The following THSD7A variants were observed in gnomAD, a reference collection of about 807,000 sequenced individuals.
THSD7A encodes the protein thrombospondin type 1 domain containing 7A.
In THSD7A, 96 loss-of-function variants were observed where a neutral mutation model predicts 231.3. The ratio of observed to expected loss-of-function variants is 0.41; its 90% CI spans 0.35 to 0.49. The LOEUF (loss-of-function observed/expected upper bound fraction) is 0.49. THSD7A is among the 20% of genes least tolerant of loss of function. THSD7A has a pLI of 0.05. For missense variants in THSD7A, 2,290 were observed against 2,070.2 expected (o/e 1.11, Z -2.06); for synonymous variants, 940 against 743.3 (o/e 1.26, Z -4.30).
chr7:11,385,921 A>C (rs1174143057), intron 23 of THSD7A, among the ~76,000 whole-genome samples: 2 of 151,650 alleles, frequency 1.3e-5, no homozygotes, highest in East Asian at 3.9e-4. Context: ...CCCTGTGTCC[A>C]TATGTTCTCG....
At chr7:11,383,609 C>T (rs1168276373) in intron 23 of THSD7A, among the ~76,000 whole-genome samples, 1 of 151,772 alleles carries the variant, frequency 6.6e-6, no homozygotes, top group Non-Finnish European at 1.5e-5. Context: ...TTTATAATTG[C>T]CAGATTTTAA....
intron 1 of THSD7A, among the ~76,000 whole-genome samples, chr7:11,727,597 T>A (rs1301566207): frequency 6.6e-6 from 1 of 151,936 alleles, no homozygotes; most frequent in Middle Eastern, 3.2e-3. Context: ...GGACAATGAG[T>A]AGATGTGAAA....
intron 1 of THSD7A, among the ~76,000 whole-genome samples, chr7:11,735,300 T>G: frequency 1.3e-5 from 2 of 151,960 alleles, no homozygotes; most frequent in South Asian, 4.2e-4. Flanking sequence ...GAGGGAACAA[T>G]ATAATTACAG....
At position 11,793,974 on chromosome 7, in the gene THSD7A, A is replaced by G. The variant is rs184223252; in HGVS notation, c.190+37783T>C. ...CAAATGATCTAAAGTTTTGGAAACT[A>G]GGGAAAAAATGAATTTTAGATCCCA... On this transcript the variant is annotated intron_variant, in intron 1 of 27. Coordinates refer to ENST00000423059, the MANE Select transcript of THSD7A (RefSeq NM_015204.3). Among the ~76,000 whole-genome samples the G allele has an allele frequency of 1.4e-3, 207 of 152,066 alleles. 1 individual carries two copies. Among genetic ancestry groups the G allele is most frequent in the African/African-American group, 4.0e-3 (168 of 41,544 alleles).
At chr7:11,412,897 G>GAA in intron 17 of THSD7A, 97 bp from the exon 18 acceptor site, 7 of 1,384,364 alleles carry the variant, frequency 5.1e-6, no homozygotes, top group Non-Finnish European at 6.9e-6. Context: ...GAACATTTGG[G>GAA]CCACTGGCTA....
intron 1 of THSD7A, among the ~76,000 whole-genome samples, chr7:11,682,189 T>A (rs1307594436): frequency 6.6e-6 from 1 of 151,876 alleles, no homozygotes; most frequent in Non-Finnish European, 1.5e-5. Context: ...TATAAAGAAA[T>A]TACATAATCA....
At chr7:11,808,694 T>C (rs2128183593) in intron 1 of THSD7A, among the ~76,000 whole-genome samples, 1 of 152,288 alleles carries the variant, frequency 6.6e-6, no homozygotes, top group East Asian at 1.9e-4. Flanking sequence ...AGGGTCTTTA[T>C]TCTTTACTAG....
Position 11,411,618 on chromosome 7 carries a change from T to C in THSD7A, c.3683-296A>G, listed in dbSNP as rs571942066. Among the ~76,000 whole-genome samples the C allele has an allele frequency of 1.3e-3, 202 of 152,358 alleles. No homozygotes were observed. The highest frequency in any genetic ancestry group is 4.6e-3 in the African/African-American group (191 of 41,580). On this transcript the variant is annotated intron_variant, in intron 18 of 27. Transcript: ENST00000423059. The surrounding 1 kb of genome is among the most constrained non-coding windows in gnomAD (Gnocchi z 4.1). ...AATGGCTTTGGCTTACAGATCAATG[T>C]CACTTAAAAACTTTCTTTCCCAATA...
At position 11,637,498 on chromosome 7, in the gene THSD7A, T is replaced by G. The variant is rs906737304; in HGVS notation, c.191-537A>C. 6.6e-5 allele frequency among the ~76,000 whole-genome samples: 10 copies of G among 152,192 alleles called. No individual in the cohort carries two copies. Among genetic ancestry groups the G allele is most frequent in the South Asian group, 2.1e-4 (1 of 4,826 alleles). ...AATAGTTGTATATCATGTGTGCCAC[T>G]AGAGCTTAAAGTGTTCACTCTCTGG... On this transcript the variant is annotated intron_variant, in intron 1 of 27. Coordinates refer to ENST00000423059, the MANE Select transcript of THSD7A (RefSeq NM_015204.3). The surrounding 1 kb of genome is among the most constrained non-coding windows in gnomAD (Gnocchi z 4.2).
At chr7:11,393,928 T>C (rs1228131136) in intron 23 of THSD7A, among the ~76,000 whole-genome samples, 1 of 146,896 alleles carries the variant, frequency 6.8e-6, no homozygotes, top group Non-Finnish European at 1.5e-5. Flanking sequence ...TGGAACCAAG[T>C]TGGAAAACAC....
In THSD7A at chr7:11,565,976, G is replaced by C. The variant is rs544893161; in HGVS notation, c.1454-22859C>G. Among the ~76,000 whole-genome samples the C allele has an allele frequency of 7.2e-5, 11 of 152,220 alleles. No individual in the cohort carries two copies. In the South Asian group the frequency reaches 1.7e-3, roughly 23 times the overall value. ...GTACTTCTGGGTTCTCCTTTTATTA[G>C]GCTAAGCATGAAGGCTGCTAATATT... On this transcript the variant is annotated intron_variant, in intron 4 of 27. Transcript: ENST00000423059.
At chr7:11,573,525 C>T (rs1198653863) in intron 4 of THSD7A, among the ~76,000 whole-genome samples, 2 of 152,202 alleles carry the variant, frequency 1.3e-5, no homozygotes, top group Non-Finnish European at 2.9e-5. Flanking sequence ...CAACTGTAAT[C>T]ACGGTCTTCT....
chr7:11,813,160 A>C (rs1784580204), intron 1 of THSD7A, among the ~76,000 whole-genome samples: 1 of 152,256 alleles, frequency 6.6e-6, no homozygotes, highest in African/African-American at 2.4e-5. Context: ...CTGCCATCCC[A>C]ACTACTTTAT....
At chr7:11,401,735 TA>T (rs1245389194) in intron 23 of THSD7A, 59 bp downstream of exon 23, 30 of 1,474,206 alleles carry the variant, frequency 2.0e-5, no homozygotes, top group Non-Finnish European at 2.5e-5. Flanking sequence ...TTTAACAGAC[TA>T]TTTTTTTTTT....
chr7:11,505,012 G>A (rs961234752), intron 6 of THSD7A, among the ~76,000 whole-genome samples: 80 of 152,210 alleles, frequency 5.3e-4, no homozygotes, highest in African/African-American at 1.8e-3. Context: ...TAGAGATGCA[G>A]GCATGTTTCA....
rs148837614 is a variant in THSD7A at position 11,812,824 on chromosome 7, C to T, written c.190+18933G>A. 5.2e-3 allele frequency among the ~76,000 whole-genome samples: 794 copies of T among 152,164 alleles called. 8 individuals are homozygous for T. The highest frequency in any genetic ancestry group is 4.4e-3 in the Non-Finnish European group (298 of 68,026). ...TATATCATAACATCAACAGACACCA[C>T]GATATATGTCCTGGCTGCTGGTTTT... On this transcript the variant is annotated intron_variant, in intron 1 of 27. Transcript: ENST00000423059.
In THSD7A at chr7:11,435,086, A is replaced by G. The variant is rs991931642; in HGVS notation, c.3065-5961T>C. Among the ~76,000 whole-genome samples the G allele has an allele frequency of 3.3e-5, 5 of 151,918 alleles. No individual in the cohort carries two copies. In the East Asian group the frequency reaches 9.7e-4, roughly 29 times the overall value. ...GCTAAGTATTTATAAATTTTCACAG[A>G]AAATTTCAATATCAGTATGAATGGC... On this transcript the variant is annotated intron_variant, in intron 13 of 27. Coordinates refer to ENST00000423059, the MANE Select transcript of THSD7A (RefSeq NM_015204.3).
chr7:11,561,697 C>T (rs142697156), intron 4 of THSD7A, among the ~76,000 whole-genome samples: 1 of 152,056 alleles, frequency 6.6e-6, no homozygotes, highest in South Asian at 2.1e-4. Context: ...TGGCAAAACC[C>T]CAACTCTACT....
At chr7:11,645,287 T>A (rs1782236771) in intron 1 of THSD7A, among the ~76,000 whole-genome samples, 1 of 151,884 alleles carries the variant, frequency 6.6e-6, no homozygotes, top group African/African-American at 2.4e-5. Context: ...AATATATTTA[T>A]TTGAGATACT....
Sources: gnomAD v4.1 joint callset for allele counts (sites outside exome capture counted in the v4.1 genomes callset) on GRCh38, gnomAD v4.1.1 for gene constraint, Gnocchi (gnomAD v3.1) non-coding constraint, MANE v1.5 for transcripts, NCBI Gene and HGNC (gene_info 2026-07-23, HGNC 2026-07-21) for gene names.